The following FAM114A1 variants were observed in gnomAD, a reference collection of about 807,000 sequenced individuals.
FAM114A1 encodes the protein protein NOXP20.
FAM114A1 carries 62 observed loss-of-function variants against 64.3 expected under a neutral mutation model. That is an observed-to-expected ratio of 0.96 (90% CI 0.79 to 1.19). The LOEUF is 1.19. FAM114A1 is among the 50% of genes most tolerant of loss of function. FAM114A1 has a pLI of 0.00. For synonymous variants in FAM114A1, 254 were observed against 251.1 expected (o/e 1.01, Z -0.11); for missense variants, 645 against 676.3 (o/e 0.95, Z 0.51).
chr4:38,882,261 G>A (rs1194027596), intron 3 of FAM114A1, among the ~76,000 whole-genome samples: 6 of 128,374 alleles, frequency 4.7e-5, no homozygotes, highest in Non-Finnish European at 6.5e-5. Flanking sequence ...GCAGTGAGCC[G>A]AGATTGCACC....
chr4:38,896,857 A>G (rs1716989871), intron 4 of FAM114A1, among the ~76,000 whole-genome samples: 1 of 152,200 alleles, frequency 6.6e-6, no homozygotes, highest in Admixed American at 6.5e-5. Flanking sequence ...AGGAAAGAAA[A>G]TAACCACATG....
rs765063164 is a variant in FAM114A1, at chr4:38,878,307, G to A, written c.229G>A (p.Ala77Thr). Residue 77 changes from alanine (A) to threonine (T), a missense_variant, in exon 3 of 15, where the codon GCC (alanine) becomes ACC (threonine). Ala to Thr is a moderately conservative substitution (Grantham distance 58). Coordinates refer to ENST00000358869, the MANE Select transcript of FAM114A1 (RefSeq NM_138389.4). ...GPPVQPQDANALEPPLNGDVT... is the reference protein window; with the variant it reads ...GPPVQPQDANTLEPPLNGDVT... ...CCCTGTGCAGCCTCAGGATGCCAAC[G>A]CCCTGGAGCCCCCTCTCAATGGAGA... The A allele has an allele frequency of 1.1e-5, 18 of 1,614,100 alleles. No individual in the cohort carries two copies. The highest frequency in any genetic ancestry group is 6.7e-5 in the Admixed American group (4 of 60,004).
chr4:38,927,278 A>G (rs1720209825), intron 9 of FAM114A1, among the ~76,000 whole-genome samples: 1 of 152,240 alleles, frequency 6.6e-6, no homozygotes, highest in South Asian at 2.1e-4. Context: ...TATAAACAAC[A>G]GAAATCTATT....
Position 38,908,726 on chromosome 4 carries a change from G to T in FAM114A1, c.792G>T (p.Gln264His). The change falls in exon 7 of 15, where the codon CAG (glutamine) becomes CAT (histidine). Residue 264 changes from glutamine to histidine, a missense_variant and splice_region_variant. Coordinates refer to ENST00000358869, the MANE Select transcript of FAM114A1 (RefSeq NM_138389.4). ...TGGAGAGAACTGTTTCCTTGTCTCA[G>T]GTTGGATTATATACGTTTGCAATTT... The part of the protein sequence containing the change: ...TLMERTVSLS[Q>H]MLREAKEKEK... The T allele has an allele frequency of 1.9e-6, 3 of 1,593,392 alleles. No homozygotes were observed. Among genetic ancestry groups the T allele is most frequent in the South Asian group, 1.1e-5 (1 of 88,146 alleles).
intron 13 of FAM114A1, among the ~76,000 whole-genome samples, chr4:38,937,391 C>T (rs1721199763): frequency 6.6e-6 from 1 of 152,182 alleles, no homozygotes; most frequent in Admixed American, 6.5e-5. Context: ...TGTGTCTTGA[C>T]ATGGCTGCTT....
rs1579294677 is a variant in FAM114A1 at position 38,878,526 on chromosome 4, A to G, written c.348+100A>G. 4 of 950,992 alleles carry G rather than the reference A, an allele frequency of 4.2e-6. No homozygotes were observed. The East Asian group carries it at 7.5e-5, about 18-fold the overall frequency. The allele number at this position is 950,992 out of a possible 1,614,324, so 58.9% of individuals were successfully genotyped here. ...CTCTGTGGGTGGGAATTGGGAGTTC[A>G]AAATGTACTGTGACATCCCCTCTGT... On this transcript the variant is annotated intron_variant, in intron 3 of 14. Coordinates refer to ENST00000358869, the MANE Select transcript of FAM114A1 (RefSeq NM_138389.4).
intron 9 of FAM114A1, among the ~76,000 whole-genome samples, chr4:38,928,583 G>A (rs1196326127): frequency 2.0e-5 from 3 of 152,016 alleles, no homozygotes; most frequent in African/African-American, 7.2e-5. Flanking sequence ...TGATATGTGA[G>A]GTATTGTGTT....
rs755007626 is a variant in FAM114A1, at chr4:38,908,762, T to TC, written c.792+37dup. The TC allele has an allele frequency of 4.0e-6, 6 of 1,495,888 alleles. No individual in the cohort carries two copies. The East Asian group carries it at 1.4e-4, about 35-fold the overall frequency. The allele number at this position is 1,495,888 out of a possible 1,614,324, so 92.7% of individuals were successfully genotyped here. ...ATACGTTTGCAATTTTTTCTTTCAG[T>TC]CAATAAAGTAAATAAATTTTTTATT... is the stretch of plus-strand genomic sequence containing the variant. On this transcript the variant is annotated intron_variant, in intron 7 of 14. Transcript: ENST00000358869.
At chr4:38,943,133 C>CA (rs1269386510) in intron 14 of FAM114A1, among the ~76,000 whole-genome samples, 2 of 145,476 alleles carry the variant, frequency 1.4e-5, no homozygotes, top group African/African-American at 5.1e-5. Flanking sequence ...GCGGAAGTTG[C>CA]AGTGAGCCAA....
At chr4:38,898,967 ATATATATGTTATATATGT>A (rs1717227570) in intron 4 of FAM114A1, among the ~76,000 whole-genome samples, 2 of 146,548 alleles carry the variant, frequency 1.4e-5, no homozygotes, top group Admixed American at 1.4e-4. Flanking sequence ...TATATATGTA[ATATATATGTTATATATGT>A]AATATATGTT....
intron 13 of FAM114A1, among the ~76,000 whole-genome samples, chr4:38,939,059 G>A (rs1250194937): frequency 6.6e-6 from 1 of 152,162 alleles, no homozygotes; most frequent in Non-Finnish European, 1.5e-5. Flanking sequence ...TCTGGGATGA[G>A]GCTGAGATTC....
intron 9 of FAM114A1, among the ~76,000 whole-genome samples, chr4:38,923,473 G>A (rs1329887799): frequency 3.9e-5 from 6 of 151,914 alleles, no homozygotes; most frequent in Non-Finnish European, 4.4e-5. Flanking sequence ...TGCCTGCCTC[G>A]GCCTCCCAAA....
In FAM114A1 at chr4:38,905,522, G is replaced by T. The variant is rs527437436; in HGVS notation, c.437G>T (p.Gly146Val). Residue 146 changes from glycine to valine, a missense_variant and splice_region_variant, in exon 5 of 15, where the codon GGT (glycine) becomes GTT (valine). Physicochemically the swap from Gly to Val is moderately radical, Grantham distance 109. Coordinates refer to ENST00000358869, the MANE Select transcript of FAM114A1 (RefSeq NM_138389.4). ...TGAACCATATTTTTATTTCCAACAG[G>T]TCATGGATTGACGGCAGTCAAGGAA... is the stretch of plus-strand genomic sequence containing the variant. ...SLLSSASATVGHGLTAVKEKA... is the reference protein window; with the variant it reads ...SLLSSASATVVHGLTAVKEKA... 1.2e-5 allele frequency: 20 copies of T among 1,610,222 alleles called. No homozygotes were observed. The South Asian group carries it at 2.1e-4, about 17-fold the overall frequency.
chr4:38,924,802 G>C (rs1276717624), intron 9 of FAM114A1, among the ~76,000 whole-genome samples: 1 of 152,152 alleles, frequency 6.6e-6, no homozygotes, highest in Non-Finnish European at 1.5e-5. Flanking sequence ...TGAACTAATA[G>C]ATGCCCCTTT....
At chr4:38,880,758 A>G (rs1360818491) in intron 3 of FAM114A1, among the ~76,000 whole-genome samples, 2 of 152,234 alleles carry the variant, frequency 1.3e-5, no homozygotes, top group African/African-American at 2.4e-5. Context: ...AGAAAAATAT[A>G]ACTTAGCCAC....
intron 4 of FAM114A1, among the ~76,000 whole-genome samples, chr4:38,901,388 A>AGCGATTCTCCT (rs1717505782): frequency 6.6e-6 from 1 of 152,150 alleles, no homozygotes; most frequent in African/African-American, 2.4e-5. Context: ...CCTGGGTTCA[A>AGCGATTCTCCT]GCGATTCTCC....
In FAM114A1 at chr4:38,929,317, C is replaced by T; in HGVS notation, c.1145C>T (p.Pro382Leu). Residue 382 changes from proline to leucine, a missense_variant, in exon 10 of 15, where the codon CCT becomes CTT. Physicochemically the swap from Pro to Leu is moderately conservative, Grantham distance 98. Coordinates refer to ENST00000358869, the MANE Select transcript of FAM114A1 (RefSeq NM_138389.4). ...TTTGAATTACATGTGGCGGCCACAC[C>T]TGACAAACTCAATAAGGTCAGCACT... Reference protein sequence around the residue: ...LLFELHVAATPDKLNKAMKRA... With the variant: ...LLFELHVAATLDKLNKAMKRA... The T allele has an allele frequency of 1.2e-6, 2 of 1,613,272 alleles. No individual in the cohort carries two copies. The highest frequency in any genetic ancestry group is 8.5e-7 in the Non-Finnish European group (1 of 1,179,328).
intron 3 of FAM114A1, among the ~76,000 whole-genome samples, chr4:38,880,090 A>G (rs868774284): frequency 0.065 from 5,937 of 91,642 alleles, 249 homozygotes; most frequent in Non-Finnish European, 0.077. Flanking sequence ...AAATAAAATA[A>G]AATAAAATAA....
Position 38,930,487 on chromosome 4 carries a change from C to G in FAM114A1, c.1162-964C>G, listed in dbSNP as rs183137628. On this transcript the variant is annotated intron_variant, in intron 10 of 14. Coordinates refer to ENST00000358869, the MANE Select transcript of FAM114A1 (RefSeq NM_138389.4). The stretch of plus-strand genomic sequence containing the variant: ...TCTCCGTGCAGCATCTGCCACTGCT[C>G]AGAGGGGGCATGTGGTGGCTCTGAG... Among the ~76,000 whole-genome samples the G allele has an allele frequency of 2.6e-5, 4 of 152,202 alleles. No homozygotes were observed. The East Asian group carries it at 7.7e-4, about 29-fold the overall frequency.
Sources: allele counts gnomAD v4.1 joint callset (sites outside exome capture counted in the v4.1 genomes callset), GRCh38; gene constraint gnomAD v4.1.1; transcripts MANE v1.5; gene names NCBI Gene and HGNC (gene_info 2026-07-23, HGNC 2026-07-21).